Variants in NXPE4 observed in about 807,000 individuals in gnomAD.
NXPE4 encodes the protein NXPE family member 4.
A neutral mutation model predicts 33.3 loss-of-function variants in NXPE4; 42 were observed. That is an observed-to-expected ratio of 1.26 (90% CI 0.98 to 1.63). The LOEUF (loss-of-function observed/expected upper bound fraction) is 1.63. NXPE4 is among the 40% of genes most tolerant of loss of function. The pLI, the probability that NXPE4 is intolerant of heterozygous loss-of-function variation, is 0.00. For missense variants in NXPE4, 709 were observed against 647.6 expected (o/e 1.09, Z -1.03); for synonymous variants, 253 against 234.9 (o/e 1.08, Z -0.71).
At chr11:114,635,804 A>G in the NXPE4 span, among the ~76,000 whole-genome samples, 1 of 152,092 alleles carries the variant, frequency 6.6e-6, no homozygotes, top group Non-Finnish European at 1.5e-5. Context: ...CTTGCATCCC[A>G]GGGATGAAGC....
the NXPE4 span, among the ~76,000 whole-genome samples, chr11:114,628,079 T>C: frequency 2.0e-5 from 3 of 149,164 alleles, no homozygotes; most frequent in East Asian, 3.9e-4. Context: ...TGGGAGACTT[T>C]AACACCCCAC....
chr11:114,634,037 C>T, the NXPE4 span, among the ~76,000 whole-genome samples: 2 of 151,886 alleles, frequency 1.3e-5, no homozygotes, highest in Non-Finnish European at 2.9e-5. Context: ...GGATTCGCCA[C>T]ACTGACTTCC....
chr11:114,585,645 C>G (rs965703473), intron 2 of NXPE4, among the ~76,000 whole-genome samples: 5 of 151,362 alleles, frequency 3.3e-5, no homozygotes, highest in Non-Finnish European at 7.4e-5. Flanking sequence ...TTTAGAACAC[C>G]TAAATATATA....
the NXPE4 span, among the ~76,000 whole-genome samples, chr11:114,610,221 T>A: frequency 6.6e-6 from 1 of 151,918 alleles, no homozygotes; most frequent in African/African-American, 2.4e-5. Flanking sequence ...CAGTCAATAA[T>A]AAGTGTTGCC....
At chr11:114,577,641 G>A (rs1306900191) in intron 5 of NXPE4, among the ~76,000 whole-genome samples, 1 of 152,146 alleles carries the variant, frequency 6.6e-6, no homozygotes, top group Non-Finnish European at 1.5e-5. Context: ...AATGGAGTGG[G>A]GATGGAAAGG....
the NXPE4 span, among the ~76,000 whole-genome samples, chr11:114,626,556 A>T: frequency 6.6e-6 from 1 of 152,176 alleles, no homozygotes; most frequent in African/African-American, 2.4e-5. Context: ...GGTAGATAAA[A>T]CCACAAAGAT....
At chr11:114,583,914 A>G (rs776164558) in intron 2 of NXPE4, 2 of 394,334 alleles carry the variant, frequency 5.1e-6, no homozygotes, top group Non-Finnish European at 9.9e-6. Context: ...AAAGGCAGAT[A>G]TTATGCTATT....
At position 114,582,708 on chromosome 11, in the gene NXPE4, A is replaced by G; in HGVS notation, c.410T>C (p.Phe137Ser). The G allele has an allele frequency of 6.2e-7, 1 of 1,614,164 alleles. No homozygotes were observed. The highest frequency in any genetic ancestry group is 8.5e-7 in the Non-Finnish European group (1 of 1,180,010). ...TGGGGAAGACATCCTGGCCCTCAGG[A>G]AATCCCCGCCATATTGCTTCCTGCG... The part of the protein sequence containing the change: ...LGRRKQYGGD[F>S]LRARMSSPAL... Residue 137 changes from phenylalanine to serine, a missense_variant, in exon 3 of 6, where the codon TTC (phenylalanine) becomes TCC (serine). Phe to Ser is a radical substitution (Grantham distance 155, BLOSUM62 -2). Coordinates refer to ENST00000375478, the MANE Select transcript of NXPE4 (RefSeq NM_001077639.2).
the NXPE4 span, among the ~76,000 whole-genome samples, chr11:114,672,071 G>T: frequency 6.6e-6 from 1 of 151,810 alleles, no homozygotes; most frequent in Non-Finnish European, 1.5e-5. Flanking sequence ...AGAAGGAGGA[G>T]GTGCTACACA....
At chr11:114,628,958 C>G in the NXPE4 span, among the ~76,000 whole-genome samples, 2 of 151,624 alleles carry the variant, frequency 1.3e-5, no homozygotes, top group African/African-American at 2.4e-5. Context: ...TACACCCTCC[C>G]AAGACTAAAC....
chr11:114,619,134 C>T, the NXPE4 span, among the ~76,000 whole-genome samples: 1 of 151,976 alleles, frequency 6.6e-6, no homozygotes. Context: ...TCGTGGGTAA[C>T]CACTGTTACC....
chr11:114,613,828 T>G, the NXPE4 span, among the ~76,000 whole-genome samples: 2 of 151,750 alleles, frequency 1.3e-5, no homozygotes, highest in African/African-American at 2.4e-5. Flanking sequence ...AAGTAACCAC[T>G]GTTACCCTGT....
At chr11:114,571,816 C>G (rs541851382) in intron 5 of NXPE4, among the ~76,000 whole-genome samples, 1 of 152,144 alleles carries the variant, frequency 6.6e-6, no homozygotes, top group African/African-American at 2.4e-5. Context: ...TTTGAAGGAA[C>G]AGGATCACCA....
At chr11:114,587,092 ACT>A (rs1949320678) in intron 2 of NXPE4, among the ~76,000 whole-genome samples, 1 of 151,928 alleles carries the variant, frequency 6.6e-6, no homozygotes, top group South Asian at 2.1e-4. Flanking sequence ...TTGCGGAAAC[ACT>A]CTTAACTTCC....
chr11:114,570,743 T>C lies in NXPE4; in HGVS notation c.*195A>G, dbSNP rs1295854594. On this transcript the variant is annotated 3_prime_UTR_variant, in exon 6 of 6. Transcript: ENST00000375478. ...GGTAGGCTCTTTTCATGAGTATTTT[T>C]AGTTTTATTTTTAAGTGGAAGCCCA... The C allele has an allele frequency of 2.0e-6, 1 of 491,740 alleles. No homozygotes were observed. The highest frequency in any genetic ancestry group is 3.6e-6 in the Non-Finnish European group (1 of 281,556). 30.5% of individuals were successfully genotyped at this position (491,740 alleles called of 1,614,324 possible).
the NXPE4 span, among the ~76,000 whole-genome samples, chr11:114,604,651 G>A: frequency 2.6e-5 from 4 of 151,740 alleles, no homozygotes; most frequent in Admixed American, 2.6e-4. Flanking sequence ...CTGTTACCCG[G>A]TGGATAATAA....
intron 5 of NXPE4, among the ~76,000 whole-genome samples, chr11:114,577,462 C>T (rs1401069864): frequency 2.0e-5 from 3 of 151,932 alleles, no homozygotes; most frequent in Non-Finnish European, 4.4e-5. Context: ...ACTGCTCGGG[C>T]GATGGGTGCA....
the NXPE4 span, among the ~76,000 whole-genome samples, chr11:114,608,597 C>T: frequency 5.3e-5 from 8 of 151,434 alleles, 2 homozygotes; most frequent in Admixed American, 4.0e-4. Context: ...ATAATTGTTG[C>T]CTCTAGGGTA....
At chr11:114,616,307 GTGT>G in the NXPE4 span, among the ~76,000 whole-genome samples, 1 of 149,924 alleles carries the variant, frequency 6.7e-6, no homozygotes, top group South Asian at 2.1e-4. Context: ...TGGATAATAA[GTGT>G]TGTCTCACGT....
Sources: gnomAD v4.1 joint callset for allele counts (sites outside exome capture counted in the v4.1 genomes callset) on GRCh38, gnomAD v4.1.1 for gene constraint, MANE v1.5 for transcripts, NCBI Gene and HGNC (gene_info 2026-07-23, HGNC 2026-07-21) for gene names.